The following GRK3 variants were observed in gnomAD, a reference collection of about 807,000 sequenced individuals.
GRK3 encodes the protein adrenergic, beta, receptor kinase 2.
A neutral mutation model predicts 95.7 loss-of-function variants in GRK3; 54 were observed. The observed-to-expected ratio is 0.56, with a 90% CI of 0.45 to 0.71. The LOEUF is 0.71. Among genes scored for constraint, GRK3 ranks in the 30% least tolerant of loss-of-function variants. The pLI, the probability that GRK3 is intolerant of heterozygous loss-of-function variation, is 0.00. For synonymous variants in GRK3, 281 were observed against 290.8 expected, an observed-to-expected ratio of 0.97 and a Z score of 0.34; for missense variants, 649 against 851.2, an observed-to-expected ratio of 0.76 and a Z score of 2.96.
At chr22:25,668,133 T>C (rs2146408595) in intron 6 of GRK3, among the ~76,000 whole-genome samples, 1 of 152,358 alleles carries the variant, frequency 6.6e-6, no homozygotes, top group African/African-American at 2.4e-5. Context: ...ATTCATTTGC[T>C]TGGATTTTGG....
rs1216377709 is a variant in GRK3 at position 25,725,269 on chromosome 22, G to C, written c.*2819G>C. The C allele has an allele frequency of 1.3e-5, 4 of 309,076 alleles. No individual in the cohort carries two copies. The East Asian group carries it at 1.5e-4, about 12-fold the overall frequency. The allele number at this position is 309,076 out of a possible 1,614,324, so 19.1% of individuals were successfully genotyped here. On this transcript the variant is annotated 3_prime_UTR_variant, in exon 21 of 21. Coordinates refer to ENST00000324198, the MANE Select transcript of GRK3 (RefSeq NM_005160.4). Reference sequence around the variant, plus strand: ...TCATTATTTTAGATTCCTGTGGTTGGGATATTTTAACATTGATGAGAAAAA... The same window carrying C: ...TCATTATTTTAGATTCCTGTGGTTGCGATATTTTAACATTGATGAGAAAAA...
chr22:25,597,656 A>G (rs1316126954), intron 1 of GRK3, among the ~76,000 whole-genome samples: 4 of 152,240 alleles, frequency 2.6e-5, no homozygotes, highest in Non-Finnish European at 5.9e-5. Flanking sequence ...CTCTAGATGC[A>G]TTATAGTTAA....
intron 7 of GRK3, among the ~76,000 whole-genome samples, chr22:25,673,848 A>G (rs962869309): frequency 1.5e-4 from 23 of 152,142 alleles, no homozygotes; most frequent in Admixed American, 1.2e-3. Context: ...GCCTCTGTAT[A>G]TACTTCACTC....
rs535067144 is a variant in GRK3, at chr22:25,568,429, A to G, written c.113+3276A>G. Among the ~76,000 whole-genome samples the G allele has an allele frequency of 3.3e-5, 5 of 152,312 alleles. No individual in the cohort carries two copies. The East Asian group carries it at 9.6e-4, about 29-fold the overall frequency. On this transcript the variant is annotated intron_variant, in intron 1 of 20. Coordinates refer to ENST00000324198, the MANE Select transcript of GRK3 (RefSeq NM_005160.4). ...GGAGTCTTATTTCTATTTACTGGAC[A>G]TTTCAAATGTTGGATCACCTATTGC...
At chr22:25,606,493 A>G (rs1157257230) in intron 2 of GRK3, among the ~76,000 whole-genome samples, 1 of 152,072 alleles carries the variant, frequency 6.6e-6, no homozygotes, top group Non-Finnish European at 1.5e-5. Flanking sequence ...GTGGGAGTAA[A>G]TGTGTCTGAC....
intron 18 of GRK3, among the ~76,000 whole-genome samples, chr22:25,716,884 C>T (rs1190706022): frequency 6.6e-6 from 1 of 152,218 alleles, no homozygotes; most frequent in African/African-American, 2.4e-5. Context: ...TCAGCAGTGG[C>T]CTGAGATTCT....
intron 1 of GRK3, among the ~76,000 whole-genome samples, chr22:25,574,510 A>G (rs1222376616): frequency 6.6e-6 from 1 of 152,176 alleles, no homozygotes; most frequent in East Asian, 1.9e-4. Flanking sequence ...AACAAATAAA[A>G]CCAAAAACTA....
chr22:25,565,146 G>A lies in GRK3; in HGVS notation c.106G>A (p.Glu36Lys). Reference protein sequence around the residue: ...ARASKRIVLPEPSIRSVMQKY... With the variant: ...ARASKRIVLPKPSIRSVMQKY... ...CGCCAGCAAGAGGATCGTCCTGCCGGAGCCCAGGTACCAGCTGCCCCGGCC... is the reference window on the plus strand; with the variant it reads ...CGCCAGCAAGAGGATCGTCCTGCCGAAGCCCAGGTACCAGCTGCCCCGGCC... Residue 36 changes from glutamate to lysine, a missense_variant, in exon 1 of 21, where the codon GAG becomes AAG. Glu to Lys is a moderately conservative substitution (Grantham distance 56, BLOSUM62 1). This residue lies in a region of GRK3 where 206 missense variants were observed against 231.4 expected (regional missense o/e 0.89). Transcript: ENST00000324198. 1 of 1,520,426 alleles carries A rather than the reference G, an allele frequency of 6.6e-7. No individual in the cohort carries two copies. The highest frequency in any genetic ancestry group is 8.8e-7 in the Non-Finnish European group (1 of 1,135,708). 94.2% of individuals were successfully genotyped at this position (1,520,426 alleles called of 1,614,324 possible).
At chr22:25,699,269 CTT>C (rs2085236843) in intron 13 of GRK3, among the ~76,000 whole-genome samples, 1 of 152,122 alleles carries the variant, frequency 6.6e-6, no homozygotes, top group Admixed American at 6.5e-5. Context: ...TGGCAGCTGT[CTT>C]TTCTCAGGCA....
intron 2 of GRK3, among the ~76,000 whole-genome samples, chr22:25,637,277 A>G (rs2084709236): frequency 6.6e-6 from 1 of 152,130 alleles, no homozygotes; most frequent in Non-Finnish European, 1.5e-5. Context: ...GAGTTACACC[A>G]TCTGTTTCTC....
intron 1 of GRK3, among the ~76,000 whole-genome samples, chr22:25,588,547 A>C (rs1405766463): frequency 1.3e-5 from 2 of 152,226 alleles, no homozygotes; most frequent in South Asian, 2.1e-4. Flanking sequence ...GTGGTTTTAA[A>C]TCTAGTGGTC....
intron 3 of GRK3, among the ~76,000 whole-genome samples, chr22:25,647,947 C>T (rs2084798104): frequency 6.6e-6 from 1 of 150,988 alleles, no homozygotes; most frequent in Non-Finnish European, 1.5e-5. Flanking sequence ...CCCATCTCTA[C>T]TAAAAAAAAA....
chr22:25,681,251 A>T (rs971216370), intron 9 of GRK3, among the ~76,000 whole-genome samples: 2 of 152,150 alleles, frequency 1.3e-5, no homozygotes, highest in African/African-American at 4.8e-5. Context: ...GTTCTCATAC[A>T]GCTGCATGGA....
chr22:25,700,598 TTTTA>T (rs1001013228), intron 13 of GRK3, among the ~76,000 whole-genome samples: 1 of 152,238 alleles, frequency 6.6e-6, no homozygotes, highest in Non-Finnish European at 1.5e-5. Flanking sequence ...TTTTATTTTA[TTTTA>T]TTTGAGACGG....
chr22:25,623,614 AAACT>A (rs2084604013), intron 2 of GRK3, among the ~76,000 whole-genome samples: 1 of 152,230 alleles, frequency 6.6e-6, no homozygotes, highest in Admixed American at 6.5e-5. Flanking sequence ...AGAAAAACAC[AAACT>A]AAGAAACCTA....
At chr22:25,709,045 A>T (rs1167274711) in intron 15 of GRK3, among the ~76,000 whole-genome samples, 13 of 142,818 alleles carry the variant, frequency 9.1e-5, no homozygotes, top group East Asian at 6.3e-4. Context: ...TTTTATTTTT[A>T]TTTTTTTTTT....
chr22:25,680,273 G>A (rs2146424424), intron 9 of GRK3, among the ~76,000 whole-genome samples: 1 of 152,338 alleles, frequency 6.6e-6, no homozygotes, highest in Admixed American at 6.5e-5. Context: ...TGCTTTGTGT[G>A]TGTGACCAAG....
intron 20 of GRK3, among the ~76,000 whole-genome samples, chr22:25,722,014 AAGT>A (rs1455717674): frequency 4.6e-5 from 7 of 152,246 alleles, no homozygotes; most frequent in Non-Finnish European, 1.0e-4. Flanking sequence ...TAGAAATCAA[AAGT>A]AATCTCTAAA....
At chr22:25,610,283 TGAGACC>T (rs1345550617) in intron 2 of GRK3, among the ~76,000 whole-genome samples, 2 of 152,122 alleles carry the variant, frequency 1.3e-5, no homozygotes, top group African/African-American at 4.8e-5. Context: ...GGCAACACAG[TGAGACC>T]CTATCTGTAT....
Sources: allele counts gnomAD v4.1 joint callset (sites outside exome capture counted in the v4.1 genomes callset), GRCh38; gene constraint gnomAD v4.1.1; regional missense constraint gnomAD v4.1.1; transcripts MANE v1.5; gene names NCBI Gene and HGNC (gene_info 2026-07-23, HGNC 2026-07-21).